BMPR2: variants seen among roughly 807,000 people sequenced by gnomAD.
The protein encoded by BMPR2 is bone morphogenetic protein receptor type-2.
Under a neutral mutation model 100.8 loss-of-function variants are expected in BMPR2, and 29 were observed. That is an observed-to-expected ratio of 0.29 (90% confidence interval 0.21 to 0.39). The LOEUF is 0.39. BMPR2 is among the 10% of genes least tolerant of loss of function. The probability of loss-of-function intolerance (pLI) is 1.00; values close to 1 mark genes in which losing one functional copy is unlikely to be tolerated. For synonymous variants in BMPR2, 382 were observed against 442.3 expected (o/e 0.86, Z 1.71); for missense variants, 1,011 against 1,274.5 (o/e 0.79, Z 3.15).
chr2:202,424,025 A>G (rs1334566907), intron 1 of BMPR2, among the ~76,000 whole-genome samples: 1 of 144,672 alleles, frequency 6.9e-6, no homozygotes, highest in Non-Finnish European at 1.5e-5. Flanking sequence ...GTGAGACAAG[A>G]TCATGTCACT....
chr2:202,559,660 G>A (rs1233941340), intron 12 of BMPR2, 36 bp from the exon 13 acceptor site: 1 of 1,609,920 alleles, frequency 6.2e-7, no homozygotes, highest in South Asian at 1.1e-5. Flanking sequence ...TCTTAAGTTT[G>A]TTAAATAGCT....
chr2:202,462,403 T>G (rs1692240377), intron 1 of BMPR2, among the ~76,000 whole-genome samples: 1 of 152,020 alleles, frequency 6.6e-6, no homozygotes, highest in South Asian at 2.1e-4. Context: ...GTATTTCTAG[T>G]GGAGACGGGG....
chr2:202,540,322 C>T (rs1396848814), intron 9 of BMPR2, among the ~76,000 whole-genome samples: 2 of 151,960 alleles, frequency 1.3e-5, no homozygotes, highest in Non-Finnish European at 2.9e-5. Context: ...TAGTAAATAC[C>T]TTGCAATTCA....
In BMPR2 at chr2:202,427,950, G is replaced by C. The variant is rs373913486; in HGVS notation, c.77-36859G>C. The stretch of plus-strand genomic sequence containing the variant: ...GCTGAGATCATGCCAGTGTGCTCCA[G>C]CCTGGGTGACAGAGTGAGATCCTGT... On this transcript the variant is annotated intron_variant, in intron 1 of 12. Transcript: ENST00000374580. Among the ~76,000 whole-genome samples, 52 of 152,290 alleles carry C rather than the reference G, an allele frequency of 3.4e-4. No homozygotes were observed. In the East Asian group the frequency reaches 6.8e-3, roughly 20 times the overall value.
chr2:202,385,215 A>G (rs967763916), intron 1 of BMPR2, among the ~76,000 whole-genome samples: 4 of 151,552 alleles, frequency 2.6e-5, no homozygotes, highest in Non-Finnish European at 5.9e-5. Flanking sequence ...AAATCTATGT[A>G]ATTGTAGTAG....
intron 7 of BMPR2, among the ~76,000 whole-genome samples, chr2:202,527,772 C>T (rs1231787562): frequency 6.6e-6 from 1 of 151,044 alleles, no homozygotes; most frequent in Non-Finnish European, 1.5e-5. Flanking sequence ...CCGGCCTGGG[C>T]GACAGAGCGA....
chr2:202,393,377 C>T (rs181236678), intron 1 of BMPR2, among the ~76,000 whole-genome samples: 46 of 152,224 alleles, frequency 3.0e-4, no homozygotes, highest in African/African-American at 1.1e-3. Context: ...GCCTTATTGC[C>T]CTTGCCTTTG....
rs1227088438 is a variant in BMPR2, at chr2:202,557,675, AAAAT to A, written c.2866+1151_2866+1154del. On this transcript the variant is annotated intron_variant, in intron 12 of 12. Transcript: ENST00000374580. ...AGAGCGAAACTCCATCTCAGGAAAA[AAAAT>A]AAATAAGCCATTTGGTTGGGCCTCA... Among the ~76,000 whole-genome samples the A allele has an allele frequency of 2.6e-5, 4 of 152,162 alleles. No individual in the cohort carries two copies. In the South Asian group the frequency reaches 8.3e-4, roughly 32 times the overall value.
intron 3 of BMPR2, among the ~76,000 whole-genome samples, chr2:202,480,909 C>T (rs927664617): frequency 1.5e-5 from 2 of 132,572 alleles, no homozygotes; most frequent in African/African-American, 5.7e-5. Context: ...GAGCCGAGAT[C>T]GTGCCACTGC....
At chr2:202,384,548 C>CTT (rs1690380037) in intron 1 of BMPR2, among the ~76,000 whole-genome samples, 2 of 65,302 alleles carry the variant, frequency 3.1e-5, no homozygotes, top group African/African-American at 1.3e-4. Context: ...TTCTTTCTTT[C>CTT]TTTCTTTCTT....
chr2:202,529,000 T>C (rs1687967636), intron 7 of BMPR2, among the ~76,000 whole-genome samples: 2 of 152,254 alleles, frequency 1.3e-5, no homozygotes, highest in South Asian at 4.1e-4. Context: ...TAAGGAAGAA[T>C]TGAACCTATT....
chr2:202,490,575 TTTTTGTTTTA>T (rs1692880890), intron 3 of BMPR2, among the ~76,000 whole-genome samples: 1 of 152,236 alleles, frequency 6.6e-6, no homozygotes, highest in Non-Finnish European at 1.5e-5. Flanking sequence ...CTTTTGTCTG[TTTTTGTTTTA>T]TTTTGTTTTA....
At chr2:202,492,700 C>CAAAAAAAAAAAAAAAAAAAAAAACAA (rs1692928940) in intron 3 of BMPR2, among the ~76,000 whole-genome samples, 1 of 52,820 alleles carries the variant, frequency 1.9e-5, no homozygotes, top group Non-Finnish European at 3.1e-5. Context: ...AGCTCTGTCT[C>CAAAAAAAAAAAAAAAAAAAAAAACAA]AAAAAAAAAA....
chr2:202,434,926 TATA>T (rs1559037469), intron 1 of BMPR2, among the ~76,000 whole-genome samples: 18 of 115,902 alleles, frequency 1.6e-4, no homozygotes, highest in Non-Finnish European at 2.7e-4. Flanking sequence ...TATATATATA[TATA>T]TATATATTTA....
chr2:202,531,476 G>C (rs1160854882), intron 8 of BMPR2, among the ~76,000 whole-genome samples: 1 of 152,108 alleles, frequency 6.6e-6, no homozygotes, highest in Non-Finnish European at 1.5e-5. Flanking sequence ...ACTGATTTTT[G>C]AGGCAAGGGT....
chr2:202,524,795 G>T (rs1687878373), intron 7 of BMPR2, among the ~76,000 whole-genome samples: 1 of 152,110 alleles, frequency 6.6e-6, no homozygotes, highest in Non-Finnish European at 1.5e-5. Context: ...CACTTTGGGA[G>T]GCCAAGGCAG....
chr2:202,552,840 CTG>C lies in BMPR2; in HGVS notation c.1541_1542del (p.Val514GlufsTer14). On this transcript the variant is annotated frameshift_variant, in exon 11 of 13. Coordinates refer to ENST00000374580, the MANE Select transcript of BMPR2 (RefSeq NM_001204.7). LOFTEE classifies it high-confidence loss of function. ...ATGATGATTTGGGAAAGAAACAAAT[CTG>C]TGAGCCCAACAGTCAATCCAATGTC... 1 of 1,614,172 alleles carries C rather than the reference CTG, an allele frequency of 6.2e-7. No individual in the cohort carries two copies. The highest frequency in any genetic ancestry group is 1.6e-4 in the Middle Eastern group (1 of 6,062).
At chr2:202,416,042 A>G (rs1691119389) in intron 1 of BMPR2, among the ~76,000 whole-genome samples, 1 of 152,238 alleles carries the variant, frequency 6.6e-6, no homozygotes, top group African/African-American at 2.4e-5. Context: ...TGCCTTTAAG[A>G]GAATCAGTGA....
chr2:202,551,678 T>C (rs1352495736), intron 10 of BMPR2, among the ~76,000 whole-genome samples: 1 of 152,126 alleles, frequency 6.6e-6, no homozygotes, highest in African/African-American at 2.4e-5. Context: ...TGTCTGTAAG[T>C]TTTAAGGTTG....
Sources: allele counts gnomAD v4.1 joint callset (sites outside exome capture counted in the v4.1 genomes callset), GRCh38; gene constraint gnomAD v4.1.1; transcripts MANE v1.5; gene names NCBI Gene and HGNC (gene_info 2026-07-23, HGNC 2026-07-21).